ACTR3C: variants seen among roughly 807,000 people sequenced by gnomAD.
ACTR3C encodes actin-related protein 3C.
A neutral mutation model predicts 26.3 loss-of-function variants in ACTR3C; 18 were observed. The ratio of observed to expected loss-of-function variants is 0.68; its 90% CI spans 0.47 to 1.01. ACTR3C has a LOEUF of 1.01. Among genes scored for constraint, ACTR3C ranks in the 50% least tolerant of loss-of-function variants. The probability of loss-of-function intolerance (pLI) is 0.00; values close to 1 mark genes in which losing one functional copy is unlikely to be tolerated. For synonymous variants in ACTR3C, 55 were observed against 94.5 expected, an observed-to-expected ratio of 0.58 and a Z score of 2.42; for missense variants, 184 against 250.7, an observed-to-expected ratio of 0.73 and a Z score of 1.80.
the ACTR3C span, among the ~76,000 whole-genome samples, chr7:149,958,892 T>C: frequency 1.3e-5 from 2 of 152,198 alleles, no homozygotes; most frequent in Non-Finnish European, 2.9e-5. Flanking sequence ...TAGGGTTGGA[T>C]AGACCCAACC....
downstream of ACTR3C, chr7:150,245,329 T>A (rs1460355712): frequency 6.6e-6 from 1 of 152,182 alleles, no homozygotes; most frequent in Non-Finnish European, 1.5e-5. Context: ...TGCTGAAATA[T>A]CTGTGGTTTA....
At chr7:150,134,408 C>G in the ACTR3C span, among the ~76,000 whole-genome samples, 1 of 152,242 alleles carries the variant, frequency 6.6e-6, no homozygotes, top group African/African-American at 2.4e-5. Context: ...CCACTGACAG[C>G]TGGTGCCTCC....
At chr7:150,142,717 T>C in the ACTR3C span, among the ~76,000 whole-genome samples, 1 of 151,744 alleles carries the variant, frequency 6.6e-6, no homozygotes, top group African/African-American at 2.4e-5. Context: ...TTAGTAGAGA[T>C]GGGGTTTTAC....
chr7:149,939,006 G>A, the ACTR3C span, among the ~76,000 whole-genome samples: 2 of 148,916 alleles, frequency 1.3e-5, no homozygotes, highest in Non-Finnish European at 3.0e-5. Context: ...TTGAGATAGA[G>A]TTGTGTTCTT....
At chr7:150,164,525 A>G in the ACTR3C span, among the ~76,000 whole-genome samples, 4 of 151,972 alleles carry the variant, frequency 2.6e-5, no homozygotes, top group African/African-American at 9.7e-5. Context: ...TTTCTTCAGA[A>G]GTAAGAATTA....
At chr7:150,039,561 A>G in the ACTR3C span, among the ~76,000 whole-genome samples, 1 of 143,586 alleles carries the variant, frequency 7.0e-6, no homozygotes, top group Admixed American at 6.9e-5. Flanking sequence ...GGGGGGGAAG[A>G]GGGACTGGCT....
chr7:150,265,535 A>G (rs1315814783), intron 6 of ACTR3C, among the ~76,000 whole-genome samples: 2 of 152,066 alleles, frequency 1.3e-5, no homozygotes, highest in African/African-American at 4.8e-5. Flanking sequence ...CTCTACTAAA[A>G]ATACACAAAT....
rs188540809 is a variant in ACTR3C at position 150,250,561 on chromosome 7, A to T, written c.565-1507T>A. On this transcript the variant is annotated intron_variant, in intron 6 of 7. Coordinates refer to ENST00000683684, the MANE Select transcript of ACTR3C (RefSeq NM_001164458.2). ...GTGTTGAGATTTCAGTGTGAGGGTT[A>T]AGGGCAGGTGCAGTACGACGGATTA... Among the ~76,000 whole-genome samples the T allele has an allele frequency of 2.5e-4, 38 of 151,872 alleles. 2 individuals are homozygous for T. Among genetic ancestry groups the T allele is most frequent in the African/African-American group, 8.3e-4 (34 of 41,182 alleles).
At chr7:150,216,993 A>G in the ACTR3C span, among the ~76,000 whole-genome samples, 1 of 148,076 alleles carries the variant, frequency 6.8e-6, no homozygotes, top group Non-Finnish European at 1.5e-5. Context: ...TCAAAAAAAA[A>G]AAAAAAGAGG....
At chr7:149,903,865 C>CTTTGTTGTTGTT in the ACTR3C span, among the ~76,000 whole-genome samples, 4 of 50,540 alleles carry the variant, frequency 7.9e-5, no homozygotes, top group African/African-American at 1.3e-4. Context: ...AGTGTAAGGG[C>CTTTGTTGTTGTT]GTTGTTGTTG....
At chr7:149,987,917 T>A in the ACTR3C span, among the ~76,000 whole-genome samples, 1 of 152,164 alleles carries the variant, frequency 6.6e-6, no homozygotes, top group African/African-American at 2.4e-5. Context: ...AAAAGCTTTT[T>A]TAAAAAAGAA....
At chr7:150,263,902 A>C (rs572378817) in intron 6 of ACTR3C, among the ~76,000 whole-genome samples, 6 of 152,366 alleles carry the variant, frequency 3.9e-5, no homozygotes, top group Non-Finnish European at 7.3e-5. Flanking sequence ...TTCATGGCTG[A>C]ATCTTTATTT....
At chr7:150,128,778 T>G in the ACTR3C span, among the ~76,000 whole-genome samples, 1 of 151,258 alleles carries the variant, frequency 6.6e-6, no homozygotes, top group African/African-American at 2.4e-5. Context: ...AATAAGAACA[T>G]AGGAAAAATA....
At chr7:150,225,963 A>G in the ACTR3C span, among the ~76,000 whole-genome samples, 6 of 152,204 alleles carry the variant, frequency 3.9e-5, no homozygotes, top group African/African-American at 7.2e-5. Context: ...GTCTTTTCAG[A>G]TGGGCTTCCT....
At chr7:150,199,725 CAA>C in the ACTR3C span, among the ~76,000 whole-genome samples, 2 of 86,086 alleles carry the variant, frequency 2.3e-5, no homozygotes, top group Admixed American at 1.5e-4. Context: ...ATATTTTTAT[CAA>C]AAAAAAAAAA....
the ACTR3C span, among the ~76,000 whole-genome samples, chr7:149,897,751 G>A: frequency 6.6e-6 from 1 of 152,294 alleles, no homozygotes; most frequent in Admixed American, 6.5e-5. Flanking sequence ...GGTGGCCCAT[G>A]CCTGTAATCC....
chr7:149,917,322 G>C, the ACTR3C span, among the ~76,000 whole-genome samples: 4 of 152,096 alleles, frequency 2.6e-5, no homozygotes, highest in Non-Finnish European at 5.9e-5. Flanking sequence ...TGATCTGCCC[G>C]CCTCGGCCTC....
At chr7:150,175,772 G>A in the ACTR3C span, among the ~76,000 whole-genome samples, 4 of 132,710 alleles carry the variant, frequency 3.0e-5, no homozygotes, top group African/African-American at 1.3e-4. Flanking sequence ...CCAAGATCCT[G>A]CCATTGCACT....
chr7:150,158,231 T>C, the ACTR3C span, among the ~76,000 whole-genome samples: 4 of 152,036 alleles, frequency 2.6e-5, no homozygotes, highest in African/African-American at 4.8e-5. Context: ...AAAAACTGCA[T>C]GCTGTTGGTG....
Sources: allele counts gnomAD v4.1 joint callset (sites outside exome capture counted in the v4.1 genomes callset), GRCh38; gene constraint gnomAD v4.1.1; transcripts MANE v1.5; gene names NCBI Gene and HGNC (gene_info 2026-07-23, HGNC 2026-07-21).